The following GPR158 variants were observed in gnomAD, a reference collection of about 807,000 sequenced individuals.
The protein encoded by GPR158 is G protein-coupled receptor 158.
A neutral mutation model predicts 78.2 loss-of-function variants in GPR158; 30 were observed. The observed-to-expected ratio is 0.38, with a 90% CI of 0.29 to 0.52. The LOEUF (loss-of-function observed/expected upper bound fraction) is 0.52. Among genes scored for constraint, GPR158 ranks in the 20% least tolerant of loss-of-function variants. The probability of loss-of-function intolerance (pLI) is 0.83; values close to 1 mark genes in which losing one functional copy is unlikely to be tolerated. For missense variants in GPR158, 1,463 were observed against 1,523.5 expected, an observed-to-expected ratio of 0.96 and a Z score of 0.66; for synonymous variants, 581 against 591.1, an observed-to-expected ratio of 0.98 and a Z score of 0.25.
intron 3 of GPR158, among the ~76,000 whole-genome samples, chr10:25,401,614 T>C: frequency 6.6e-6 from 1 of 152,194 alleles, no homozygotes; most frequent in Non-Finnish European, 1.5e-5. Flanking sequence ...TAACATAATT[T>C]TATATATTTG....
At chr10:25,492,981 T>C (rs1835831542) in intron 5 of GPR158, among the ~76,000 whole-genome samples, 1 of 151,748 alleles carries the variant, frequency 6.6e-6, no homozygotes, top group Non-Finnish European at 1.5e-5. Flanking sequence ...GAAAATGATT[T>C]ATCAAGTTTG....
chr10:25,474,488 G>A (rs550210264), intron 5 of GPR158, among the ~76,000 whole-genome samples: 3 of 152,014 alleles, frequency 2.0e-5, no homozygotes, highest in Admixed American at 2.0e-4. Context: ...ATAAGTATCA[G>A]TTTTTTAGAA....
chr10:25,407,759 A>G (rs985836730), intron 3 of GPR158, among the ~76,000 whole-genome samples: 5 of 152,170 alleles, frequency 3.3e-5, no homozygotes, highest in Non-Finnish European at 7.3e-5. Flanking sequence ...TTTTACTGCT[A>G]TACTGTGGTC....
intron 2 of GPR158, among the ~76,000 whole-genome samples, chr10:25,377,430 T>A (rs538937644): frequency 5.3e-5 from 8 of 152,138 alleles, no homozygotes; most frequent in Admixed American, 3.9e-4. Context: ...AAGTGTAGAA[T>A]TCAGTGATTT....
intron 1 of GPR158, among the ~76,000 whole-genome samples, chr10:25,208,859 T>C (rs186305345): frequency 2.4e-4 from 36 of 149,784 alleles, no homozygotes; most frequent in Non-Finnish European, 3.7e-4. Context: ...TCTTTTTTTT[T>C]TTTTTTTGAG....
At chr10:25,373,662 T>G (rs1431597361) in intron 2 of GPR158, among the ~76,000 whole-genome samples, 1 of 151,916 alleles carries the variant, frequency 6.6e-6, no homozygotes, top group African/African-American at 2.4e-5. Context: ...ATTTCCTTTT[T>G]GATTTTTGAG....
intron 2 of GPR158, among the ~76,000 whole-genome samples, chr10:25,249,476 A>G (rs866182033): frequency 1.2e-4 from 18 of 151,732 alleles, no homozygotes; most frequent in East Asian, 5.9e-4. Flanking sequence ...ATTATTTTGA[A>G]ATACGTCCCA....
At chr10:25,394,463 A>G (rs944996029) in intron 2 of GPR158, among the ~76,000 whole-genome samples, 1 of 152,192 alleles carries the variant, frequency 6.6e-6, no homozygotes, top group Non-Finnish European at 1.5e-5. Flanking sequence ...GATTTGACCT[A>G]TTGTATAACT....
chr10:25,219,001 T>G (rs923368916), intron 1 of GPR158, among the ~76,000 whole-genome samples: 1 of 152,204 alleles, frequency 6.6e-6, no homozygotes, highest in African/African-American at 2.4e-5. Flanking sequence ...TGGCACATAG[T>G]AAGCACTCAC....
chr10:25,569,867 A>C (rs192659014), intron 6 of GPR158, among the ~76,000 whole-genome samples: 8 of 152,284 alleles, frequency 5.3e-5, no homozygotes, highest in African/African-American at 1.9e-4. Flanking sequence ...TAGAGAAAAA[A>C]ATTATATCTT....
At chr10:25,447,731 G>T (rs1211397923) in intron 4 of GPR158, among the ~76,000 whole-genome samples, 1 of 152,160 alleles carries the variant, frequency 6.6e-6, no homozygotes, top group East Asian at 1.9e-4. Context: ...ATATGTGAAG[G>T]TAATAAAGAT....
At chr10:25,360,840 A>G (rs1218075199) in intron 2 of GPR158, among the ~76,000 whole-genome samples, 1 of 152,002 alleles carries the variant, frequency 6.6e-6, no homozygotes, top group African/African-American at 2.4e-5. Context: ...TGTATCTATA[A>G]ATTACTTTGG....
chr10:25,417,651 GTT>G (rs1175696678), intron 4 of GPR158, among the ~76,000 whole-genome samples: 1 of 152,198 alleles, frequency 6.6e-6, no homozygotes, highest in Non-Finnish European at 1.5e-5. Flanking sequence ...CAAGAAGACA[GTT>G]GATTGTGAAG....
Position 25,316,925 on chromosome 10 carries a change from A to ATG in GPR158, c.1009-78978_1009-78977dup, listed in dbSNP as rs757331504. On this transcript the variant is annotated intron_variant, in intron 2 of 10. Coordinates refer to ENST00000376351, the MANE Select transcript of GPR158 (RefSeq NM_020752.3). Reference sequence around the variant, plus strand: ...TGTGTGTGTGTTTATGTGTGTGTGTATGTGTGTGTATATATATATATATAC... The same window carrying ATG: ...TGTGTGTGTGTTTATGTGTGTGTGTATGTGTGTGTGTATATATATATATATAC... Among the ~76,000 whole-genome samples, 167 of 90,684 alleles carry ATG rather than the reference A, an allele frequency of 1.8e-3. 1 individual carries two copies. The highest frequency in any genetic ancestry group is 2.9e-3 in the Admixed American group (29 of 10,042). The allele number at this position is 90,684 out of a possible 152,430, so 59.5% of individuals were successfully genotyped here. A position where few individuals can be genotyped will look rare whatever the true frequency, so the allele number is the denominator to read the frequency against.
chr10:25,377,115 T>C (rs1834091106), intron 2 of GPR158, among the ~76,000 whole-genome samples: 1 of 151,820 alleles, frequency 6.6e-6, no homozygotes, highest in African/African-American at 2.4e-5. Flanking sequence ...AAAATGGTTC[T>C]TTTTGCCTCA....
intron 4 of GPR158, among the ~76,000 whole-genome samples, chr10:25,421,159 A>T (rs1834745596): frequency 6.6e-6 from 1 of 152,198 alleles, no homozygotes; most frequent in Admixed American, 6.5e-5. Flanking sequence ...TTTTCAGTAT[A>T]TGAGCCTTTT....
chr10:25,294,799 CT>C (rs1417831911), intron 2 of GPR158, among the ~76,000 whole-genome samples: 3 of 152,136 alleles, frequency 2.0e-5, no homozygotes, highest in Non-Finnish European at 4.4e-5. Flanking sequence ...CTCTGTTTGC[CT>C]TTTAAAACAT....
At chr10:25,342,101 AT>A (rs1855311834) in intron 2 of GPR158, among the ~76,000 whole-genome samples, 1 of 151,914 alleles carries the variant, frequency 6.6e-6, no homozygotes, top group Admixed American at 6.6e-5. Context: ...ATAATTATTT[AT>A]TTTGTTCCTT....
chr10:25,494,119 C>G (rs554740810), intron 5 of GPR158, among the ~76,000 whole-genome samples: 11 of 152,130 alleles, frequency 7.2e-5, no homozygotes, highest in South Asian at 6.2e-4. Context: ...CTCAATAGTC[C>G]TGGTACTAAT....
Sources: gnomAD v4.1 joint callset for allele counts (sites outside exome capture counted in the v4.1 genomes callset) on GRCh38, gnomAD v4.1.1 for gene constraint, MANE v1.5 for transcripts, NCBI Gene and HGNC (gene_info 2026-07-23, HGNC 2026-07-21) for gene names.